Variants in UNC80 observed in about 807,000 individuals in gnomAD.
The protein encoded by UNC80 is unc-80 subunit of NALCN channel complex.
Under a neutral mutation model 384.6 loss-of-function variants are expected in UNC80, and 164 were observed. That is an observed-to-expected ratio of 0.43 (90% confidence interval 0.38 to 0.49). The LOEUF (loss-of-function observed/expected upper bound fraction) is 0.49. Among genes scored for constraint, UNC80 ranks in the 20% least tolerant of loss-of-function variants. UNC80 has a pLI of 0.00. For synonymous variants in UNC80, 1,486 were observed against 1,527.8 expected (o/e 0.97, Z 0.64); for missense variants, 3,330 against 4,143.0 (o/e 0.80, Z 5.39).
At chr2:209,985,482 A>T (rs2125026081) in intron 61 of UNC80, among the ~76,000 whole-genome samples, 1 of 152,374 alleles carries the variant, frequency 6.6e-6, no homozygotes, top group South Asian at 2.1e-4. Flanking sequence ...ACTTATACAA[A>T]GAATGTCTGT....
chr2:209,809,464 C>G (rs147946232), intron 7 of UNC80: 22 of 1,454,476 alleles, frequency 1.5e-5, no homozygotes, highest in Non-Finnish European at 2.0e-5. Flanking sequence ...GCGGGCCCAC[C>G]TCCAGACCCA....
chr2:209,909,880 A>G (rs1166478747), intron 29 of UNC80, among the ~76,000 whole-genome samples: 1 of 152,012 alleles, frequency 6.6e-6, no homozygotes, highest in Non-Finnish European at 1.5e-5. Flanking sequence ...CTCCCATTGA[A>G]CACAGCTCCC....
intron 21 of UNC80, among the ~76,000 whole-genome samples, chr2:209,846,389 G>T (rs2082173951): frequency 6.6e-6 from 1 of 151,982 alleles, no homozygotes; most frequent in Non-Finnish European, 1.5e-5. Context: ...GAGGGAAGGT[G>T]TTTGATCAAT....
In UNC80 at chr2:209,982,138, G is replaced by T. The variant is rs374231149; in HGVS notation, c.9119-41G>T. ...CTTTGGTTGGGTTTTTCTGATCAGT[G>T]TCATAGTTTTTGTAACACTCTATTC... On this transcript the variant is annotated intron_variant, in intron 59 of 64. Coordinates refer to ENST00000673920, the MANE Select transcript of UNC80 (RefSeq NM_001371986.1). The T allele has an allele frequency of 3.1e-5, 47 of 1,538,108 alleles. 1 individual carries two copies. Among genetic ancestry groups the T allele is most frequent in the Non-Finnish European group, 3.4e-5 (39 of 1,138,744 alleles).
Position 209,819,237 on chromosome 2 carries a change from C to T in UNC80, c.1938C>T (p.His646=), listed in dbSNP as rs1016582597. 2.3e-5 allele frequency: 35 copies of T among 1,550,658 alleles called. No individual in the cohort carries two copies. The highest frequency in any genetic ancestry group is 2.9e-5 in the Non-Finnish European group (33 of 1,146,522). ...TTGACGGGACCAATAACTTTGTCCA[C>T]AAGAATGGAATGCTTGATCTTTCTG... ...EHIDGTNNFV[H]KNGMLDLSVV... Residue 646 remains histidine (H), a synonymous_variant, in exon 12 of 65, where the codon CAC becomes CAT. Coordinates refer to ENST00000673920, the MANE Select transcript of UNC80 (RefSeq NM_001371986.1).
chr2:209,864,214 G>A (rs1208812250), intron 22 of UNC80, among the ~76,000 whole-genome samples: 1 of 152,078 alleles, frequency 6.6e-6, no homozygotes, highest in African/African-American at 2.4e-5. Flanking sequence ...GCAAAGATGG[G>A]TGTCTGCTCC....
chr2:209,829,040 A>T (rs969869650), intron 14 of UNC80, among the ~76,000 whole-genome samples, 192 bp from the exon 15 acceptor site: 5 of 152,104 alleles, frequency 3.3e-5, no homozygotes, highest in Admixed American at 6.6e-5. Context: ...TCTCAATGTA[A>T]ACACCCTCAG....
At chr2:209,877,254 A>G (rs1416918532) in intron 23 of UNC80, among the ~76,000 whole-genome samples, 2 of 152,204 alleles carry the variant, frequency 1.3e-5, no homozygotes, top group Non-Finnish European at 2.9e-5. Flanking sequence ...TAAACCAGAC[A>G]ATAGTGCCTG....
At chr2:209,958,977 T>A in intron 49 of UNC80, 142 bp from the exon 50 acceptor site, 2 of 633,164 alleles carry the variant, frequency 3.2e-6, no homozygotes, top group Non-Finnish European at 5.6e-6. Context: ...CCTTTATGTT[T>A]TAGGAGTAAT....
Position 209,894,207 on chromosome 2 carries a change from A to C in UNC80, c.4321A>C (p.Ile1441Leu). Residue 1441 changes from isoleucine to leucine, a missense_variant, in exon 27 of 65, where the codon ATT becomes CTT. Coordinates refer to ENST00000673920, the MANE Select transcript of UNC80 (RefSeq NM_001371986.1). ...GATAGGAGGTTCTCGCCTGCTCCAGATTAAAGGAACCCGCAGTTTCCAGGT... is the reference window on the plus strand; with the variant it reads ...GATAGGAGGTTCTCGCCTGCTCCAGCTTAAAGGAACCCGCAGTTTCCAGGT... ...IRIGGSRLLQ[I>L]KGTRSFQVKK... The C allele has an allele frequency of 1.0e-6, 1 of 985,444 alleles. No homozygotes were observed. Among genetic ancestry groups the C allele is most frequent in the South Asian group, 4.7e-5 (1 of 21,282 alleles). 61.0% of individuals were successfully genotyped at this position (985,444 alleles called of 1,614,324 possible).
At chr2:209,804,019 G>A in intron 7 of UNC80, among the ~76,000 whole-genome samples, 1 of 152,142 alleles carries the variant, frequency 6.6e-6, no homozygotes, top group East Asian at 1.9e-4. Context: ...TTACAGGTGT[G>A]AGCTGCCATT....
At chr2:209,828,246 A>C (rs1437277144) in intron 14 of UNC80, among the ~76,000 whole-genome samples, 1 of 152,184 alleles carries the variant, frequency 6.6e-6, no homozygotes, top group East Asian at 1.9e-4. Context: ...CTTTATGCAA[A>C]ATATATTTTA....
At chr2:209,960,534 A>G (rs1256469881) in intron 51 of UNC80, among the ~76,000 whole-genome samples, 1 of 152,266 alleles carries the variant, frequency 6.6e-6, no homozygotes, top group African/African-American at 2.4e-5. Context: ...TAACGTATCT[A>G]TAAAGGTAAA....
intron 7 of UNC80, among the ~76,000 whole-genome samples, chr2:209,808,462 T>C (rs1199758004): frequency 3.3e-5 from 5 of 150,164 alleles, no homozygotes; most frequent in African/African-American, 7.4e-5. Flanking sequence ...ACTCAGGAGA[T>C]TGAGGCAGGA....
At chr2:209,854,144 T>C (rs886678146) in intron 22 of UNC80, among the ~76,000 whole-genome samples, 1 of 152,030 alleles carries the variant, frequency 6.6e-6, no homozygotes, top group African/African-American at 2.4e-5. Flanking sequence ...TATTTAATGA[T>C]CAATGCAAAT....
intron 13 of UNC80, among the ~76,000 whole-genome samples, chr2:209,825,231 T>C (rs2080427984): frequency 6.6e-6 from 1 of 152,124 alleles, no homozygotes; most frequent in Non-Finnish European, 1.5e-5. Flanking sequence ...AAGTTCCTTT[T>C]TTGGAAGCCA....
chr2:209,940,184 A>G (rs2091532095), intron 43 of UNC80, among the ~76,000 whole-genome samples: 1 of 152,176 alleles, frequency 6.6e-6, no homozygotes, highest in Admixed American at 6.5e-5. Flanking sequence ...ATTTGTGTGA[A>G]GTTCAAAAAG....
chr2:209,773,067 TAACA>T (rs1170801440), intron 1 of UNC80, 23 bp from the exon 2 acceptor site: 2 of 1,575,312 alleles, frequency 1.3e-6, no homozygotes, highest in East Asian at 4.5e-5. Context: ...TTATGTTTAT[TAACA>T]AATATCTCTA....
Position 209,994,093 on chromosome 2 carries a change from T to C in UNC80, c.9537T>C (p.Ile3179=). 6.4e-7 allele frequency: 1 copy of C among 1,551,400 alleles called. No homozygotes were observed. The highest frequency in any genetic ancestry group is 2.0e-5 in the Admixed American group (1 of 50,920). Residue 3179 remains isoleucine (I), a synonymous_variant, in exon 64 of 65, where the codon ATT becomes ATC. Coordinates refer to ENST00000673920, the MANE Select transcript of UNC80 (RefSeq NM_001371986.1). ...ATCAGAAACGATCTGTGACCTTCAT[T>C]GAGGCTCAGCCAGAGCCAGCAGCTG... ...SADQKRSVTF[I]EAQPEPAAAP...
Sources: gnomAD v4.1 joint callset for allele counts (sites outside exome capture counted in the v4.1 genomes callset) on GRCh38, gnomAD v4.1.1 for gene constraint, MANE v1.5 for transcripts, NCBI Gene and HGNC (gene_info 2026-07-23, HGNC 2026-07-21) for gene names.